JAK2: variants seen among roughly 807,000 people sequenced by gnomAD.
JAK2 encodes Janus kinase 2.
A neutral mutation model predicts 139.3 loss-of-function variants in JAK2; 86 were observed. The observed-to-expected ratio is 0.62, with a 90% confidence interval of 0.52 to 0.74. The LOEUF (loss-of-function observed/expected upper bound fraction) is 0.74, where lower values mean the gene tolerates loss of function less well. Among genes scored for constraint, JAK2 ranks in the 30% least tolerant of loss-of-function variants. JAK2 has a pLI of 0.00. For missense variants in JAK2, 1,421 were observed against 1,360.3 expected (o/e 1.04, Z -0.70); for synonymous variants, 490 against 437.7 (o/e 1.12, Z -1.49).
chr9:5,072,887 ATTT>A (rs1277922752), intron 13 of JAK2, among the ~76,000 whole-genome samples: 1 of 152,056 alleles, frequency 6.6e-6, no homozygotes, highest in Non-Finnish European at 1.5e-5. Context: ...TGTGGCCTTG[ATTT>A]TCAAACTTGG....
At chr9:5,122,829 C>G (rs1823713844) in intron 22 of JAK2, among the ~76,000 whole-genome samples, 175 bp from the exon 23 acceptor site, 1 of 149,264 alleles carries the variant, frequency 6.7e-6, no homozygotes, top group African/African-American at 2.5e-5. Context: ...CTCCTGAAAT[C>G]TAAGTTCACA....
At chr9:5,089,897 AG>A (rs780018611) in intron 20 of JAK2, 34 bp downstream of exon 20, 7 of 1,398,620 alleles carry the variant, frequency 5.0e-6, no homozygotes, top group Non-Finnish European at 6.6e-6. Context: ...TTTAAATTCA[AG>A]GTATGTGTTT....
rs12345355 is a variant in JAK2, at chr9:5,116,873, A to G, written c.3060-6131A>G. Among the ~76,000 whole-genome samples, 303 of 152,360 alleles carry G rather than the reference A, an allele frequency of 2.0e-3. 1 individual carries two copies. Among genetic ancestry groups the G allele is most frequent in the African/African-American group, 6.9e-3 (287 of 41,576 alleles). On this transcript the variant is annotated intron_variant, in intron 22 of 24. Coordinates refer to ENST00000381652, the MANE Select transcript of JAK2 (RefSeq NM_004972.4). Reference sequence around the variant, plus strand: ...ATGGCACTTTCAATAATTAAGTGCAATAAGTGTAAGTGCAATAATTAAGGT... The same window carrying G: ...ATGGCACTTTCAATAATTAAGTGCAGTAAGTGTAAGTGCAATAATTAAGGT...
chr9:5,065,123 A>G lies in JAK2; in HGVS notation c.1214+83A>G. On this transcript the variant is annotated intron_variant, in intron 9 of 24. Coordinates refer to ENST00000381652, the MANE Select transcript of JAK2 (RefSeq NM_004972.4). ...GAAGATTTAACAGAGTGATACATGT[A>G]TGTTTAGAAAAAAATAATTTGACAA... The G allele has an allele frequency of 3.6e-6, 3 of 830,396 alleles. 1 individual carries two copies. In the South Asian group the frequency reaches 1.3e-4, roughly 35 times the overall value. 51.4% of individuals were successfully genotyped at this position (830,396 alleles called of 1,614,324 possible).
At chr9:5,118,113 AC>A (rs1355234573) in intron 22 of JAK2, among the ~76,000 whole-genome samples, 1 of 152,182 alleles carries the variant, frequency 6.6e-6, no homozygotes, top group Non-Finnish European at 1.5e-5. Context: ...GTGAGCGGAG[AC>A]CTCGCCACTG....
intron 2 of JAK2, among the ~76,000 whole-genome samples, chr9:5,017,860 A>G (rs1308605231): frequency 6.6e-6 from 1 of 152,156 alleles, no homozygotes; most frequent in East Asian, 1.9e-4. Flanking sequence ...CTCTTGATGA[A>G]TTAATCCCTT....
intron 4 of JAK2, chr9:5,041,836 A>G (rs982319030): frequency 8.4e-6 from 4 of 476,470 alleles, no homozygotes; most frequent in African/African-American, 7.9e-5. Flanking sequence ...AACTCCACCA[A>G]TGGGGAGCTG....
chr9:5,089,630 C>T (rs1820416166), intron 19 of JAK2, 44 bp from the exon 20 acceptor site: 4 of 972,594 alleles, frequency 4.1e-6, no homozygotes, highest in Non-Finnish European at 4.2e-6. Flanking sequence ...TGTAATTTGC[C>T]TTGAAAACTT....
chr9:5,086,698 T>C (rs1199348699), intron 19 of JAK2, among the ~76,000 whole-genome samples: 1 of 152,218 alleles, frequency 6.6e-6, no homozygotes, highest in Non-Finnish European at 1.5e-5. Flanking sequence ...GAAAATTTCC[T>C]ACCCTGAAAT....
intron 23 of JAK2, among the ~76,000 whole-genome samples, chr9:5,125,712 T>C (rs1363130467): frequency 6.6e-6 from 1 of 151,648 alleles, no homozygotes; most frequent in African/African-American, 2.4e-5. Context: ...GTTATATATA[T>C]TTTAATTTCC....
intron 2 of JAK2, among the ~76,000 whole-genome samples, chr9:4,989,643 A>T (rs1331033751): frequency 6.6e-6 from 1 of 152,228 alleles, no homozygotes; most frequent in Non-Finnish European, 1.5e-5. Context: ...TTACAGTATA[A>T]TTGGGCAGAT....
chr9:5,016,491 A>T (rs1367636186), intron 2 of JAK2, among the ~76,000 whole-genome samples: 1 of 152,220 alleles, frequency 6.6e-6, no homozygotes, highest in Non-Finnish European at 1.5e-5. Flanking sequence ...GTGCTAAGAA[A>T]AATAGTCAAC....
intron 4 of JAK2, among the ~76,000 whole-genome samples, chr9:5,039,619 TAATA>T (rs1816334848): frequency 6.6e-6 from 1 of 152,032 alleles, no homozygotes; most frequent in African/African-American, 2.4e-5. Context: ...CTATTAGAAC[TAATA>T]AATGAGCTCA....
intron 7 of JAK2, among the ~76,000 whole-genome samples, chr9:5,055,399 TG>T (rs1817692933): frequency 6.6e-6 from 1 of 152,014 alleles, no homozygotes; most frequent in East Asian, 1.9e-4. Flanking sequence ...TTTCTGGCAG[TG>T]GTTTCTACTA....
At position 5,066,710 on chromosome 9, in the gene JAK2, C is replaced by G. The variant is rs373528034; in HGVS notation, c.1247C>G (p.Ala416Gly). 6.2e-7 allele frequency: 1 copy of G among 1,609,020 alleles called. No homozygotes were observed. Among genetic ancestry groups the G allele is most frequent in the Non-Finnish European group, 8.5e-7 (1 of 1,176,478 alleles). ...MDFAISKLKK[A>G]GNQTGLYVLR... ...TTTGCCATTAGTAAACTGAAGAAAG[C>G]AGGTAATCAGACTGGACTGTATGTA... The change falls in exon 10 of 25, where the codon GCA (alanine) becomes GGA (glycine). Residue 416 changes from alanine to glycine, a missense_variant. Ala to Gly is a moderately conservative substitution (Grantham distance 60, BLOSUM62 0). Coordinates refer to ENST00000381652, the MANE Select transcript of JAK2 (RefSeq NM_004972.4).
intron 4 of JAK2, among the ~76,000 whole-genome samples, chr9:5,042,993 G>T (rs1287510325): frequency 2.6e-5 from 4 of 152,230 alleles, no homozygotes; most frequent in Non-Finnish European, 4.4e-5. Context: ...TGAGGGGGGT[G>T]GGCCGGCTGG....
intron 4 of JAK2, among the ~76,000 whole-genome samples, chr9:5,042,128 T>C (rs1285470157): frequency 5.4e-4 from 35 of 64,452 alleles, no homozygotes; most frequent in Admixed American, 1.2e-3. Context: ...AAATTTCTTT[T>C]TTTTTTTTTT....
chr9:5,098,139 G>A (rs1348895041), intron 22 of JAK2: 1 of 152,118 alleles, frequency 6.6e-6, no homozygotes, highest in Non-Finnish European at 1.5e-5. Flanking sequence ...AATTTAGAGT[G>A]ACTTTATGGC....
Position 5,072,850 on chromosome 9 carries a change from G to A in JAK2, c.1776+224G>A, listed in dbSNP as rs145551411. ...ACTAATTATGTTTAGCATTATGTTA[G>A]GAGTGTTATTACATTTCTGCATATA... On this transcript the variant is annotated intron_variant, in intron 13 of 24. Transcript: ENST00000381652. Among the ~76,000 whole-genome samples the A allele has an allele frequency of 5.7e-3, 865 of 152,250 alleles. 10 individuals carry two copies. Among genetic ancestry groups the A allele is most frequent in the African/African-American group, 0.02 (827 of 41,558 alleles).
Sources: allele counts gnomAD v4.1 joint callset (sites outside exome capture counted in the v4.1 genomes callset), GRCh38; gene constraint gnomAD v4.1.1; transcripts MANE v1.5; gene names NCBI Gene and HGNC (gene_info 2026-07-23, HGNC 2026-07-21).